Variants in SYT1 observed in about 807,000 individuals in gnomAD.
SYT1 encodes the protein synaptotagmin 1.
In SYT1, 8 loss-of-function variants were observed where a neutral mutation model predicts 44.8. That is an observed-to-expected ratio of 0.18 (90% CI 0.10 to 0.32). The LOEUF (loss-of-function observed/expected upper bound fraction) is 0.32, where lower values mean the gene tolerates loss of function less well. Ranked by LOEUF, SYT1 falls within the 10% of genes least tolerant of loss-of-function variation. SYT1 has a pLI of 1.00. For synonymous variants in SYT1, 154 were observed against 188.8 expected, an observed-to-expected ratio of 0.82 and a Z score of 1.51; for missense variants, 286 against 509.3, an observed-to-expected ratio of 0.56 and a Z score of 4.22.
intron 3 of SYT1, among the ~76,000 whole-genome samples, chr12:79,075,855 G>A (rs1876609462): frequency 6.6e-6 from 1 of 151,998 alleles, no homozygotes; most frequent in Admixed American, 6.6e-5. Flanking sequence ...AGAAAACCAT[G>A]CAAATTAGAA....
At chr12:79,081,267 T>C (rs1219936842) in intron 3 of SYT1, among the ~76,000 whole-genome samples, 1 of 152,124 alleles carries the variant, frequency 6.6e-6, no homozygotes, top group Non-Finnish European at 1.5e-5. Flanking sequence ...GTAGGCCATA[T>C]ACCTATGAAC....
chr12:79,246,031 A>G (rs1279952760), intron 4 of SYT1, among the ~76,000 whole-genome samples: 1 of 152,176 alleles, frequency 6.6e-6, no homozygotes. Flanking sequence ...AATATAAAGT[A>G]CTTTTAATAT....
chr12:78,982,966 A>T (rs1869375883), intron 2 of SYT1, among the ~76,000 whole-genome samples: 2 of 152,106 alleles, frequency 1.3e-5, no homozygotes, highest in Non-Finnish European at 2.9e-5. Context: ...CCTCATGGAG[A>T]CTACCTTCTA....
intron 2 of SYT1, among the ~76,000 whole-genome samples, chr12:79,043,082 C>A (rs924521329): frequency 1.3e-5 from 2 of 149,478 alleles, no homozygotes; most frequent in Admixed American, 6.7e-5. Flanking sequence ...TGGTGTGGTG[C>A]TGAAAAAAAT....
rs1565697992 is a variant in SYT1, at chr12:78,876,904, T to TTATATTACATATATTATATAATATA, written c.-217+11800_-217+11801insTACATATATTATATAATATATATAT. On this transcript the variant is annotated intron_variant, in intron 1 of 10. Transcript: ENST00000261205. ...TATTATATATAATATATATTATATA[T>TTATATTACATATATTATATAATATA]TATATGTATTATATATAATATATAT... is the stretch of plus-strand genomic sequence containing the variant. Among the ~76,000 whole-genome samples the TTATATTACATATATTATATAATATA allele has an allele frequency of 4.0e-3, 454 of 112,940 alleles. 11 individuals carry two copies. Among genetic ancestry groups the TTATATTACATATATTATATAATATA allele is most frequent in the African/African-American group, 0.015 (440 of 30,188 alleles). The allele number at this position is 112,940 out of a possible 152,430, so 74.1% of individuals were successfully genotyped here.
chr12:79,271,753 A>G (rs1379197462), intron 4 of SYT1, among the ~76,000 whole-genome samples: 1 of 152,178 alleles, frequency 6.6e-6, no homozygotes, highest in African/African-American at 2.4e-5. Flanking sequence ...ATACTAATTT[A>G]TTTCTAAATG....
intron 3 of SYT1, among the ~76,000 whole-genome samples, chr12:79,145,041 T>C (rs776871259): frequency 1.3e-5 from 2 of 152,178 alleles, no homozygotes; most frequent in Non-Finnish European, 2.9e-5. Flanking sequence ...TTTACCTGTA[T>C]AGAAAATAAA....
At chr12:79,315,365 C>A (rs951369619) in intron 8 of SYT1, among the ~76,000 whole-genome samples, 1 of 152,130 alleles carries the variant, frequency 6.6e-6, no homozygotes, top group African/African-American at 2.4e-5. Context: ...CTGGCACCAC[C>A]ATGCCCAGCT....
intron 8 of SYT1, among the ~76,000 whole-genome samples, chr12:79,302,319 G>A (rs1054507624): frequency 6.6e-5 from 10 of 152,052 alleles, no homozygotes; most frequent in Admixed American, 3.9e-4. Flanking sequence ...CTGTTCTGCC[G>A]GAGACTTGGA....
chr12:79,214,943 G>GTA (rs1255239023), intron 3 of SYT1, among the ~76,000 whole-genome samples: 1 of 7,684 alleles, frequency 1.3e-4, no homozygotes, highest in Non-Finnish European at 2.2e-4. Flanking sequence ...GTGTGTATAT[G>GTA]TGTGTGTGTG....
At chr12:78,907,217 C>G (rs1876041184) in intron 1 of SYT1, among the ~76,000 whole-genome samples, 1 of 151,950 alleles carries the variant, frequency 6.6e-6, no homozygotes, top group Non-Finnish European at 1.5e-5. Context: ...ATAAAGCAAG[C>G]AAGTGGCAAA....
In SYT1 at chr12:78,967,919, C is replaced by CAA. The variant is rs1332757755; in HGVS notation, c.-216-9878_-216-9877dup. Among the ~76,000 whole-genome samples, 10 of 152,010 alleles carry CAA rather than the reference C, an allele frequency of 6.6e-5. No homozygotes were observed. In the South Asian group the frequency reaches 1.9e-3, roughly 28 times the overall value. On this transcript the variant is annotated intron_variant, in intron 1 of 10. Coordinates refer to ENST00000261205, the MANE Select transcript of SYT1 (RefSeq NM_005639.3). The stretch of plus-strand genomic sequence containing the variant: ...TTGACACGGAACCAAAATTTTGAAA[C>CAA]AAAGAGTGAAAAGAAGCTCAACAAT...
intron 3 of SYT1, among the ~76,000 whole-genome samples, chr12:79,108,368 A>C (rs1157787555): frequency 1.3e-5 from 2 of 152,214 alleles, no homozygotes; most frequent in African/African-American, 4.8e-5. Flanking sequence ...TGTATCACTT[A>C]TAATAAAAGT....
At chr12:79,308,162 T>C (rs550701284) in intron 8 of SYT1, among the ~76,000 whole-genome samples, 3 of 152,312 alleles carry the variant, frequency 2.0e-5, no homozygotes, top group Non-Finnish European at 2.9e-5. Flanking sequence ...GTCATGCCAA[T>C]ATGAAGCAGA....
intron 1 of SYT1, among the ~76,000 whole-genome samples, chr12:78,914,065 T>C (rs186658936): frequency 6.7e-6 from 1 of 150,236 alleles, no homozygotes; most frequent in East Asian, 2.0e-4. Context: ...TTAGATAATA[T>C]AGGTAAATTT....
intron 8 of SYT1, among the ~76,000 whole-genome samples, chr12:79,347,107 G>A (rs1882646477): frequency 6.6e-6 from 1 of 150,642 alleles, no homozygotes; most frequent in African/African-American, 2.4e-5. Flanking sequence ...TTAGGCAGAA[G>A]GGAATAAAGG....
chr12:79,146,903 C>G lies in SYT1; in HGVS notation c.-17-70600C>G, dbSNP rs549217317. Among the ~76,000 whole-genome samples, 9 of 152,072 alleles carry G rather than the reference C, an allele frequency of 5.9e-5. No individual in the cohort carries two copies. The East Asian group carries it at 9.6e-4, about 16-fold the overall frequency. On this transcript the variant is annotated intron_variant, in intron 3 of 10. Transcript: ENST00000261205. ...TCGCCCAGGCTAGAGCACAATGGCA[C>G]GATCTCAGCTCACTGCAAGCTCTGC...
chr12:79,267,062 G>A (rs1019316401), intron 4 of SYT1, among the ~76,000 whole-genome samples: 2 of 151,998 alleles, frequency 1.3e-5, no homozygotes, highest in Admixed American at 1.3e-4. Flanking sequence ...TTCTAAAAAC[G>A]TCCTCACTTG....
intron 8 of SYT1, among the ~76,000 whole-genome samples, chr12:79,349,057 G>GAAAGAGAAAGAAAGAAAGAAAT (rs1565920012): frequency 1.5e-5 from 2 of 134,906 alleles, no homozygotes; most frequent in South Asian, 4.7e-4. Context: ...AAGAAAGAAA[G>GAAAGAGAAAGAAAGAAAGAAAT]GAGGGAGGGA....
Sources: gnomAD v4.1 joint callset for allele counts (sites outside exome capture counted in the v4.1 genomes callset) on GRCh38, gnomAD v4.1.1 for gene constraint, MANE v1.5 for transcripts, NCBI Gene and HGNC (gene_info 2026-07-23, HGNC 2026-07-21) for gene names.